Variants in LRRTM4 observed in about 807,000 individuals in gnomAD.
LRRTM4 encodes the protein leucine-rich repeat transmembrane neuronal protein 4.
A neutral mutation model predicts 47.6 loss-of-function variants in LRRTM4; 25 were observed. The ratio of observed to expected loss-of-function variants is 0.53; its 90% confidence interval spans 0.38 to 0.73. The LOEUF is 0.73. Among genes scored for constraint, LRRTM4 ranks in the 30% least tolerant of loss-of-function variants. LRRTM4 has a pLI of 0.00. For missense variants in LRRTM4, 638 were observed against 713.4 expected (o/e 0.89, Z 1.20); for synonymous variants, 311 against 269.5 (o/e 1.15, Z -1.51).
At chr2:77,398,269 C>T (rs1673781927) in intron 3 of LRRTM4, among the ~76,000 whole-genome samples, 1 of 151,960 alleles carries the variant, frequency 6.6e-6, no homozygotes, top group African/African-American at 2.4e-5. Flanking sequence ...ACAGATAATA[C>T]ATAAGAATGC....
chr2:77,477,903 A>AAGAAAG (rs1489532756), intron 3 of LRRTM4, among the ~76,000 whole-genome samples: 1 of 109,826 alleles, frequency 9.1e-6, no homozygotes, highest in East Asian at 2.8e-4. Flanking sequence ...AAAAGAAAGA[A>AAGAAAG]AAAGAAAGAA....
chr2:76,899,455 T>G (rs1275002913), intron 3 of LRRTM4, among the ~76,000 whole-genome samples: 8 of 151,964 alleles, frequency 5.3e-5, no homozygotes, highest in Non-Finnish European at 4.4e-5. Context: ...CTACCCATGT[T>G]AAGCTTTATG....
At chr2:77,344,744 T>A (rs1319884659) in intron 3 of LRRTM4, among the ~76,000 whole-genome samples, 1 of 151,776 alleles carries the variant, frequency 6.6e-6, no homozygotes, top group East Asian at 1.9e-4. Flanking sequence ...CTGAGTTATA[T>A]CCCAATCAAA....
intron 3 of LRRTM4, among the ~76,000 whole-genome samples, chr2:77,414,148 T>G (rs980165186): frequency 2.0e-5 from 3 of 152,170 alleles, no homozygotes; most frequent in Non-Finnish European, 4.4e-5. Flanking sequence ...TTCCTGTATC[T>G]CTCTCTTTTT....
At chr2:76,862,760 C>G (rs767183734) in intron 3 of LRRTM4, among the ~76,000 whole-genome samples, 5 of 152,164 alleles carry the variant, frequency 3.3e-5, no homozygotes, top group Non-Finnish European at 7.3e-5. Flanking sequence ...TTTGAACAAT[C>G]TAAGAGCTGA....
intron 3 of LRRTM4, among the ~76,000 whole-genome samples, chr2:76,848,138 G>A (rs1274983496): frequency 6.6e-6 from 1 of 152,068 alleles, no homozygotes; most frequent in Non-Finnish European, 1.5e-5. Context: ...GCGGAGTGAA[G>A]GGGTAGAAAA....
At chr2:76,802,456 A>G (rs1675750092) in intron 3 of LRRTM4, among the ~76,000 whole-genome samples, 1 of 152,134 alleles carries the variant, frequency 6.6e-6, no homozygotes, top group Non-Finnish European at 1.5e-5. Flanking sequence ...TAATTGATAA[A>G]ATAAATGGAA....
At chr2:77,219,664 A>G (rs1674562147) in intron 3 of LRRTM4, among the ~76,000 whole-genome samples, 1 of 152,152 alleles carries the variant, frequency 6.6e-6, no homozygotes, top group African/African-American at 2.4e-5. Context: ...GGCATGATGG[A>G]AAGAGATGTT....
chr2:76,778,559 T>C (rs1477964737), intron 3 of LRRTM4, among the ~76,000 whole-genome samples: 2 of 151,940 alleles, frequency 1.3e-5, no homozygotes, highest in Non-Finnish European at 2.9e-5. Flanking sequence ...GAGGTGTTTG[T>C]AGTATTCTCT....
At chr2:77,065,389 A>G (rs1267932268) in intron 3 of LRRTM4, among the ~76,000 whole-genome samples, 1 of 152,194 alleles carries the variant, frequency 6.6e-6, no homozygotes, top group Non-Finnish European at 1.5e-5. Context: ...AATTATATTT[A>G]AAGTGCAATG....
intron 3 of LRRTM4, among the ~76,000 whole-genome samples, chr2:76,909,317 T>C (rs967634101): frequency 4.6e-5 from 7 of 152,164 alleles, no homozygotes; most frequent in Admixed American, 6.5e-5. Flanking sequence ...CTGGATCCCT[T>C]CCTTACACCT....
chr2:77,284,291 C>T (rs1005104530), intron 3 of LRRTM4, among the ~76,000 whole-genome samples: 1 of 152,000 alleles, frequency 6.6e-6, no homozygotes, highest in African/African-American at 2.4e-5. Flanking sequence ...TACATATTGT[C>T]CTATAAAATA....
At chr2:77,097,458 T>A (rs13414273) in intron 3 of LRRTM4, among the ~76,000 whole-genome samples, 4,297 of 152,064 alleles carry the variant, frequency 0.028, 218 homozygotes, top group African/African-American at 0.097. Context: ...CTTGTGCCAA[T>A]CCGTAAAATC....
At chr2:77,118,659 G>A (rs1277356165) in intron 3 of LRRTM4, among the ~76,000 whole-genome samples, 1 of 151,816 alleles carries the variant, frequency 6.6e-6, no homozygotes, top group African/African-American at 2.4e-5. Flanking sequence ...ATGTTTCTGG[G>A]AAGAGGAAAG....
At chr2:77,383,288 T>C (rs996169752) in intron 3 of LRRTM4, among the ~76,000 whole-genome samples, 1 of 152,100 alleles carries the variant, frequency 6.6e-6, no homozygotes, top group Non-Finnish European at 1.5e-5. Flanking sequence ...CTCTGTTTCA[T>C]TTTAAATCAT....
chr2:76,940,024 C>G (rs994686229), intron 3 of LRRTM4, among the ~76,000 whole-genome samples: 2 of 152,006 alleles, frequency 1.3e-5, no homozygotes, highest in African/African-American at 4.8e-5. Context: ...AAAAGAAATG[C>G]TTACACACTC....
intron 3 of LRRTM4, among the ~76,000 whole-genome samples, chr2:77,152,587 C>G (rs759736678): frequency 6.6e-5 from 10 of 152,134 alleles, no homozygotes; most frequent in Non-Finnish European, 1.5e-4. Context: ...CTCGGCCTCC[C>G]AAAGTGCTGG....
chr2:77,161,614 C>T (rs985671471), intron 3 of LRRTM4, among the ~76,000 whole-genome samples: 2 of 151,898 alleles, frequency 1.3e-5, no homozygotes, highest in Non-Finnish European at 2.9e-5. Flanking sequence ...CAAATTGTTG[C>T]CAATCTCCAA....
chr2:77,029,240 G>T (rs1242681255), intron 3 of LRRTM4, among the ~76,000 whole-genome samples: 1 of 151,774 alleles, frequency 6.6e-6, no homozygotes, highest in Non-Finnish European at 1.5e-5. Context: ...ATATGAATGG[G>T]AGTTTATTAG....
Sources: gnomAD v4.1 joint callset for allele counts (sites outside exome capture counted in the v4.1 genomes callset) on GRCh38, gnomAD v4.1.1 for gene constraint, MANE v1.5 for transcripts, NCBI Gene and HGNC (gene_info 2026-07-23, HGNC 2026-07-21) for gene names.